Variants in NOL7 observed in about 807,000 individuals in gnomAD.
NOL7 encodes the protein nucleolar protein 7.
NOL7 carries 36 observed loss-of-function variants against 38.4 expected under a neutral mutation model. The observed-to-expected ratio is 0.94, with a 90% CI of 0.72 to 1.24. NOL7 has a LOEUF of 1.24. Ranked by LOEUF, NOL7 falls within the 50% of genes most tolerant of loss-of-function variation. The pLI is 0.00. For synonymous variants in NOL7, 142 were observed against 126.5 expected (o/e 1.12, Z -0.82); for missense variants, 350 against 315.1 (o/e 1.11, Z -0.84).
intron 7 of NOL7, 67 bp from the exon 8 acceptor site, chr6:13,620,687 G>C: frequency 9.2e-7 from 1 of 1,082,482 alleles, no homozygotes; most frequent in Non-Finnish European, 1.3e-6. Context: ...CATTCATATA[G>C]AGTAATTAAA....
At chr6:13,615,835 G>A in intron 2 of NOL7, 63 bp downstream of exon 2, 2 of 1,506,048 alleles carry the variant, frequency 1.3e-6, no homozygotes, top group Middle Eastern at 1.8e-4. Flanking sequence ...TTCCTATGGT[G>A]GATGTAATTT....
At chr6:13,622,288 C>T, downstream of NOL7, 1 of 1,344,868 alleles carries the variant, frequency 7.4e-7, no homozygotes, top group Non-Finnish European at 9.7e-7. Context: ...ATCTAAATTT[C>T]AAATCAGCAG....
At chr6:13,625,446 C>T (rs1313516249), downstream of NOL7, among the ~76,000 whole-genome samples, 1 of 152,098 alleles carries the variant, frequency 6.6e-6, no homozygotes. Flanking sequence ...CCAAGTTGTA[C>T]CCCATCTTAC....
chr6:13,617,849 A>G (rs1764331215), intron 4 of NOL7, 48 bp downstream of exon 4: 1 of 1,556,890 alleles, frequency 6.4e-7, no homozygotes, highest in Non-Finnish European at 8.9e-7. Context: ...TGTCAAGTGC[A>G]CTTGCAGATG....
At chr6:13,628,705 A>G (rs1277411061) in intron 8 of NOL7, among the ~76,000 whole-genome samples, 1 of 152,264 alleles carries the variant, frequency 6.6e-6, no homozygotes, top group Non-Finnish European at 1.5e-5. Flanking sequence ...AGGAAAATGA[A>G]TGAAACTGGC....
rs1279617996 is a variant in NOL7, at chr6:13,615,526, C to T, written c.168C>T (p.Asp56=). The T allele has an allele frequency of 6.4e-7, 1 of 1,556,882 alleles. No homozygotes were observed. The part of the protein sequence containing the change: ...AEPLEEDEEG[D]DEFDDEAPEE... ...CCCTGGAGGAAGACGAGGAAGGGGA[C>T]GATGAGTTTGACGATGAGGCCCCGG... Residue 56 remains aspartate, a synonymous_variant, in exon 1 of 8, where the codon GAC becomes GAT. Coordinates refer to ENST00000451315, the MANE Select transcript of NOL7 (RefSeq NM_016167.5).
downstream of NOL7, chr6:13,622,215 A>G: frequency 1.4e-6 from 1 of 734,114 alleles, no homozygotes. Context: ...CATTTGCATC[A>G]TGCTGTAAAC....
At chr6:13,629,110 T>G (rs1764703700) in intron 8 of NOL7, among the ~76,000 whole-genome samples, 1 of 144,056 alleles carries the variant, frequency 6.9e-6, no homozygotes, top group Non-Finnish European at 1.6e-5. Flanking sequence ...AAAATATCAT[T>G]GAGCCTTTTT....
At chr6:13,624,727 C>G (rs546338858), downstream of NOL7, among the ~76,000 whole-genome samples, 2 of 152,170 alleles carry the variant, frequency 1.3e-5, no homozygotes, top group Admixed American at 6.5e-5. Flanking sequence ...ATTAGCGTTT[C>G]GCACTTGATG....
downstream of NOL7, chr6:13,622,587 A>G (rs952949187): frequency 1.6e-5 from 21 of 1,293,580 alleles, no homozygotes; most frequent in Non-Finnish European, 2.1e-5. Flanking sequence ...TTTAAAAACT[A>G]CCACTCCCAT....
At chr6:13,625,725 T>C, downstream of NOL7, 1 of 1,613,070 alleles carries the variant, frequency 6.2e-7, no homozygotes, top group Non-Finnish European at 8.5e-7. Context: ...CCAACTGGGC[T>C]GTTCCAGGGA....
intron 8 of NOL7, among the ~76,000 whole-genome samples, chr6:13,627,652 A>C (rs1280245677): frequency 1.3e-5 from 2 of 151,746 alleles, no homozygotes; most frequent in African/African-American, 2.4e-5. Context: ...AAAAAAAAAA[A>C]AATCACGTTA....
chr6:13,632,428 A>G, exon 9 of NOL7: 1 of 1,613,912 alleles, frequency 6.2e-7, no homozygotes, highest in South Asian at 1.1e-5. Context: ...CTGTTCACTC[A>G]TTGCTTGCAG....
At chr6:13,625,811 T>C (rs1317390240), downstream of NOL7, 2 of 1,327,584 alleles carry the variant, frequency 1.5e-6, no homozygotes, top group Non-Finnish European at 1.1e-6. Flanking sequence ...AGTTCAACTA[T>C]TATGCTCACA....
rs760825190 is a variant in NOL7 at position 13,615,787 on chromosome 6, A to AG, written c.327+17dup. The AG allele has an allele frequency of 1.2e-6, 2 of 1,601,684 alleles. No individual in the cohort carries two copies. The highest frequency in any genetic ancestry group is 3.6e-5 in the Admixed American group (2 of 56,146). On this transcript the variant is annotated intron_variant, in intron 2 of 7. Transcript: ENST00000451315. ...TCGAACAGAAGGTTAGAGGCTAGGGAGGAGGTGTCTTATTAAAACAACTCG... is the reference window on the plus strand; with the variant it reads ...TCGAACAGAAGGTTAGAGGCTAGGGAGGGAGGTGTCTTATTAAAACAACTCG...
intron 3 of NOL7, 136 bp from the exon 4 acceptor site, chr6:13,617,634 A>C: frequency 1.4e-6 from 1 of 725,430 alleles, no homozygotes; most frequent in Non-Finnish European, 2.4e-6. Context: ...CAAACTGATG[A>C]GAGCTCCTGA....
In NOL7 at chr6:13,617,906, G is replaced by A; in HGVS notation, c.418+105G>A. Reference sequence around the variant, plus strand: ...CCCTTAGAAAGCCAGCATGGGCCTGGCCAAGGTTAGCTGGGGCCTATTCCC... The same window carrying A: ...CCCTTAGAAAGCCAGCATGGGCCTGACCAAGGTTAGCTGGGGCCTATTCCC... On this transcript the variant is annotated intron_variant, in intron 4 of 7. Coordinates refer to ENST00000451315, the MANE Select transcript of NOL7 (RefSeq NM_016167.5). 7.6e-6 allele frequency: 9 copies of A among 1,180,032 alleles called. No homozygotes were observed. In the South Asian group the frequency reaches 8.7e-5, roughly 11 times the overall value. 73.1% of individuals were successfully genotyped at this position (1,180,032 alleles called of 1,614,324 possible). A position where few individuals can be genotyped will look rare whatever the true frequency, so the allele number is the denominator to read the frequency against.
Position 13,615,609 on chromosome 6 carries a change from G to A in NOL7, c.251G>A (p.Arg84Gln), listed in dbSNP as rs1249045732. 6.3e-7 allele frequency: 1 copy of A among 1,593,988 alleles called. No homozygotes were observed. The highest frequency in any genetic ancestry group is 1.3e-5 in the African/African-American group (1 of 74,568). The change falls in exon 1 of 8, where the codon CGG becomes CAG. Residue 84 changes from arginine to glutamine, a missense_variant. By Grantham distance (43) the Arg-to-Gln change is conservative. Transcript: ENST00000451315. ...AEAREEERRV[R>Q]ETVRRDKTLL... ...GCGAGAGAAGAGGAGCGGCGAGTGC[G>A]GGAGACCGTGCGCAGGTTCGGAGCC...
chr6:13,622,269 A>AT, downstream of NOL7: 1 of 1,291,478 alleles, frequency 7.7e-7, no homozygotes, highest in African/African-American at 1.5e-5. Flanking sequence ...CCAGTACATA[A>AT]TTTAAAAAAT....
Sources: allele counts gnomAD v4.1 joint callset (sites outside exome capture counted in the v4.1 genomes callset), GRCh38; gene constraint gnomAD v4.1.1; transcripts MANE v1.5; gene names NCBI Gene and HGNC (gene_info 2026-07-23, HGNC 2026-07-21).